Variants in B4GALT6 observed in about 807,000 individuals in gnomAD.
The protein encoded by B4GALT6 is beta-1,4-galactosyltransferase 6, also known as UDP-Gal:beta-GlcNAc beta-1,4-galactosyltransferase 6.
Under a neutral mutation model 46.3 loss-of-function variants are expected in B4GALT6, and 14 were observed. The observed-to-expected ratio is 0.30, with a 90% CI of 0.20 to 0.47. B4GALT6 has a LOEUF of 0.47. Ranked by LOEUF, B4GALT6 falls within the 20% of genes least tolerant of loss-of-function variation. B4GALT6 has a pLI of 0.99. For synonymous variants in B4GALT6, 168 were observed against 162.0 expected (o/e 1.04, Z -0.28); for missense variants, 386 against 480.1 (o/e 0.80, Z 1.83).
chr18:31,638,614 C>T, intron 5 of B4GALT6, 30 bp downstream of exon 5: 1 of 1,482,838 alleles, frequency 6.7e-7, no homozygotes, highest in South Asian at 1.1e-5. Context: ...TTCTAGTATA[C>T]TTAGTGACCA....
chr18:31,626,576 G>C (rs2073701083), intron 7 of B4GALT6, among the ~76,000 whole-genome samples, 192 bp from the exon 8 acceptor site: 1 of 152,140 alleles, frequency 6.6e-6, no homozygotes. Context: ...ATTACTGCTT[G>C]AGCTCCACCT....
At chr18:31,696,872 A>G in the B4GALT6 span, among the ~76,000 whole-genome samples, 1 of 152,314 alleles carries the variant, frequency 6.6e-6, no homozygotes, top group East Asian at 1.9e-4. Context: ...TTTTGCCCTC[A>G]CTACTAATGA....
chr18:31,666,841 GA>G (rs1434674339), intron 1 of B4GALT6, among the ~76,000 whole-genome samples: 2 of 152,040 alleles, frequency 1.3e-5, no homozygotes, highest in Non-Finnish European at 2.9e-5. Context: ...CAATGGTCCT[GA>G]AAATTCTTGA....
At chr18:31,678,407 A>C (rs1220348094) in intron 1 of B4GALT6, among the ~76,000 whole-genome samples, 1 of 152,158 alleles carries the variant, frequency 6.6e-6, no homozygotes, top group Non-Finnish European at 1.5e-5. Context: ...TAGGCTATCC[A>C]AAAAATTTCA....
rs2074282286 is a variant in B4GALT6 at position 31,666,311 on chromosome 18, T to C, written c.177A>G (p.Thr59=). 1 of 1,610,776 alleles carries C rather than the reference T, an allele frequency of 6.2e-7. No homozygotes were observed. Among genetic ancestry groups the C allele is most frequent in the Non-Finnish European group, 8.5e-7 (1 of 1,178,348 alleles). The part of the protein sequence containing the change: ...RGIMLRENVK[T]IGHMIRLYTN... ...TGTACAGCCTGATCATATGACCTAT[T>C]GTTTTCACATTTTCTCTCAACATTA... The change falls in exon 2 of 9, where the codon ACA becomes ACG. Residue 59 remains threonine, a synonymous_variant. Transcript: ENST00000306851.
At chr18:31,662,569 G>A (rs571357208) in intron 2 of B4GALT6, among the ~76,000 whole-genome samples, 73 of 152,242 alleles carry the variant, frequency 4.8e-4, no homozygotes, top group South Asian at 2.1e-3. Context: ...TTGGCTGGGC[G>A]TAGTGGCTCA....
the B4GALT6 span, chr18:31,724,219 C>A: frequency 6.4e-6 from 2 of 311,574 alleles, no homozygotes; most frequent in Non-Finnish European, 1.3e-5. Context: ...CGTCTCGGGG[C>A]TGCCCTAATG....
intron 1 of B4GALT6, among the ~76,000 whole-genome samples, chr18:31,679,791 T>C (rs1180829932): frequency 1.3e-5 from 2 of 152,162 alleles, no homozygotes; most frequent in Admixed American, 6.5e-5. Flanking sequence ...AGACGTGACT[T>C]TCTATACTCC....
chr18:31,685,272 C>A (rs2074533058), upstream of B4GALT6, among the ~76,000 whole-genome samples: 1 of 148,968 alleles, frequency 6.7e-6, no homozygotes, highest in Admixed American at 6.7e-5. Context: ...CCCGCGGACA[C>A]CAGGCGAAGA....
At chr18:31,657,481 A>C (rs1423331555) in intron 3 of B4GALT6, among the ~76,000 whole-genome samples, 1 of 152,242 alleles carries the variant, frequency 6.6e-6, no homozygotes, top group Non-Finnish European at 1.5e-5. Context: ...TTCTATACAG[A>C]CATCTATCTA....
intron 3 of B4GALT6, among the ~76,000 whole-genome samples, chr18:31,651,173 T>C (rs1201648731): frequency 6.6e-6 from 1 of 152,082 alleles, no homozygotes; most frequent in Non-Finnish European, 1.5e-5. Flanking sequence ...AAACACCTTA[T>C]CTACCACCCC....
At chr18:31,652,688 A>G (rs1267312338) in intron 3 of B4GALT6, among the ~76,000 whole-genome samples, 1 of 152,178 alleles carries the variant, frequency 6.6e-6, no homozygotes, top group East Asian at 1.9e-4. Context: ...ACTTCAGTTC[A>G]TGGTCACCAA....
intron 1 of B4GALT6, among the ~76,000 whole-genome samples, chr18:31,671,166 T>C (rs1331699922): frequency 6.6e-6 from 1 of 152,202 alleles, no homozygotes; most frequent in Non-Finnish European, 1.5e-5. Flanking sequence ...TTTGGGTTGG[T>C]TCCAAGTCTT....
intron 5 of B4GALT6, 125 bp downstream of exon 5, chr18:31,638,517 ACT>A (rs370283389): frequency 1.1e-4 from 90 of 802,430 alleles, no homozygotes; most frequent in East Asian, 7.9e-4. Context: ...ACACAGCAAG[ACT>A]CTGTCTCAAA....
the B4GALT6 span, among the ~76,000 whole-genome samples, chr18:31,715,537 C>CTTTTTTTTTTTTTTTTTT: frequency 2.0e-5 from 1 of 49,628 alleles, no homozygotes; most frequent in Non-Finnish European, 3.3e-5. Context: ...CTGGAACTGT[C>CTTTTTTTTTTTTTTTTTT]TTTTTTTTTT....
At chr18:31,639,514 A>G (rs1280666741) in intron 4 of B4GALT6, among the ~76,000 whole-genome samples, 1 of 152,214 alleles carries the variant, frequency 6.6e-6, no homozygotes, top group Admixed American at 6.5e-5. Context: ...TTTGATAATT[A>G]ATATATTTTT....
chr18:31,656,132 T>C (rs2074135592), intron 3 of B4GALT6, among the ~76,000 whole-genome samples: 1 of 152,220 alleles, frequency 6.6e-6, no homozygotes, highest in Non-Finnish European at 1.5e-5. Context: ...CTGAAAGCCA[T>C]GGCCTTAGAT....
At chr18:31,684,633 G>C (rs1475187583), upstream of B4GALT6, 4 of 1,292,404 alleles carry the variant, frequency 3.1e-6, no homozygotes. Flanking sequence ...GTCGGGGGAG[G>C]GGAGGCGCGG....
the B4GALT6 span, among the ~76,000 whole-genome samples, chr18:31,692,494 A>C: frequency 6.6e-6 from 1 of 152,186 alleles, no homozygotes; most frequent in African/African-American, 2.4e-5. Context: ...TTTGGCTTAC[A>C]ATGTCTTTTA....
Sources: allele counts gnomAD v4.1 joint callset (sites outside exome capture counted in the v4.1 genomes callset), GRCh38; gene constraint gnomAD v4.1.1; transcripts MANE v1.5; gene names NCBI Gene and HGNC (gene_info 2026-07-23, HGNC 2026-07-21).